TTN: variants seen among roughly 807,000 people sequenced by gnomAD.
TTN encodes the protein titin.
In TTN, 1,525 loss-of-function variants were observed where a neutral mutation model predicts 3,223.0. The ratio of observed to expected loss-of-function variants is 0.47; its 90% CI spans 0.45 to 0.49. The LOEUF (loss-of-function observed/expected upper bound fraction) is 0.49. Among genes scored for constraint, TTN ranks in the 20% least tolerant of loss-of-function variants. The probability of loss-of-function intolerance (pLI) is 0.00; values close to 1 mark genes in which losing one functional copy is unlikely to be tolerated. For missense variants in TTN, 40,786 were observed against 43,424.0 expected (o/e 0.94, Z 5.40); for synonymous variants, 14,094 against 15,161.0 (o/e 0.93, Z 5.17).
chr2:178,750,310 C>T, intron 47 of TTN: 1 of 1,613,178 alleles, frequency 6.2e-7, no homozygotes, highest in Non-Finnish European at 8.5e-7. Context: ...TCACTTTAAG[C>T]ATACTGGTTG....
At position 178,589,402 on chromosome 2, in the gene TTN, ATTT is replaced by A. The variant is rs1423868157; in HGVS notation, c.62320_62322del (p.Lys20774del). On this transcript the variant is annotated inframe_deletion, in exon 304 of 363. Transcript: ENST00000589042. ...GCTTTGACAGTTAGGACCCCACTTA[ATTT>A]CAGATCAAGTACTGGTTTTTGTAAG... 1 of 1,613,414 alleles carries A rather than the reference ATTT, an allele frequency of 6.2e-7. No homozygotes were observed. Among genetic ancestry groups the A allele is most frequent in the South Asian group, 1.1e-5 (1 of 91,072 alleles).
Position 178,592,070 on chromosome 2 carries a change from T to A in TTN, c.59834A>T (p.Asn19945Ile). ...CGCAGCTACTCGGAAGAGGTACTGGTTGCCTTCATTCAGATGCTTAGCGAA... is the reference window on the plus strand; with the variant it reads ...CGCAGCTACTCGGAAGAGGTACTGGATGCCTTCATTCAGATGCTTAGCGAA... ...SHFAKHLNEG[N>I]QYLFRVAAEN... The change falls in exon 302 of 363, where the codon AAC becomes ATC. Residue 19945 changes from asparagine (N) to isoleucine (I), a missense_variant. Asn to Ile is a moderately radical substitution (Grantham distance 149). Coordinates refer to ENST00000589042, the MANE Select transcript of TTN (RefSeq NM_001267550.2). 1 of 1,613,084 alleles carries A rather than the reference T, an allele frequency of 6.2e-7. No homozygotes were observed.
At chr2:178,664,285 T>C (rs1175643307) in intron 168 of TTN, among the ~76,000 whole-genome samples, 175 bp downstream of exon 168, 1 of 152,088 alleles carries the variant, frequency 6.6e-6, no homozygotes, top group African/African-American at 2.4e-5. Flanking sequence ...TTGGTAGCCA[T>C]TTCTTTGGGA....
Position 178,781,188 on chromosome 2 carries a change from T to C in TTN, c.3456A>G (p.Gly1152=). ...VISMTFADDA[G]EYTIVVRNKH... is the part of the protein sequence containing the mutation. Reference sequence around the variant, plus strand: ...TATTGCGAACAACAATAGTGTATTCTCCAGCATCATCAGCAAAAGTCATAG... The same window carrying C: ...TATTGCGAACAACAATAGTGTATTCCCCAGCATCATCAGCAAAAGTCATAG... The change falls in exon 21 of 363, where the codon GGA becomes GGG. Residue 1152 remains glycine (G), a synonymous_variant. Transcript: ENST00000589042. The C allele has an allele frequency of 6.2e-7, 1 of 1,614,090 alleles. No individual in the cohort carries two copies. Among genetic ancestry groups the C allele is most frequent in the Non-Finnish European group, 8.5e-7 (1 of 1,179,984 alleles).
intron 224 of TTN, among the ~76,000 whole-genome samples, chr2:178,637,059 A>G (rs554290511): frequency 1.3e-5 from 2 of 149,354 alleles, no homozygotes; most frequent in East Asian, 2.0e-4. Flanking sequence ...ATTAATGTCT[A>G]ATTATTTTAT....
Position 178,652,922 on chromosome 2 carries a change from G to T in TTN, c.38885C>A (p.Ala12962Asp). ...PEVPPVKVPEAPIEVVPEKKM... is the reference protein window; with the variant it reads ...PEVPPVKVPEDPIEVVPEKKM... ...CTTTTCAGGAACAACCTCTATGGGA[G>T]CCTCTGGCACTTAAAAGATATTAGT... is the stretch of plus-strand genomic sequence containing the variant. The change falls in exon 200 of 363, where the codon GCT becomes GAT. Residue 12962 changes from alanine to aspartate, a missense_variant. Physicochemically the swap from Ala to Asp is moderately radical, Grantham distance 126. Transcript: ENST00000589042. 6.2e-7 allele frequency: 1 copy of T among 1,606,642 alleles called. No homozygotes were observed. Among genetic ancestry groups the T allele is most frequent in the Non-Finnish European group, 8.5e-7 (1 of 1,177,648 alleles).
At chr2:178,615,275 A>C (rs1211410706) in intron 259 of TTN, 32 bp downstream of exon 259, 1 of 1,609,214 alleles carries the variant, frequency 6.2e-7, no homozygotes, top group East Asian at 2.2e-5. Flanking sequence ...CTAGGAGTAC[A>C]CATTTACTCT....
intron 204 of TTN, 44 bp downstream of exon 204, chr2:178,652,052 A>C: frequency 6.2e-7 from 1 of 1,612,158 alleles, no homozygotes; most frequent in Non-Finnish European, 8.5e-7. Context: ...ACACTAAGGA[A>C]AGATTTTTTT....
chr2:178,781,308 C>T, intron 20 of TTN, 45 bp from the exon 21 acceptor site: 1 of 1,607,300 alleles, frequency 6.2e-7, no homozygotes, highest in Admixed American at 1.7e-5. Context: ...ATCAACAACT[C>T]TTCTGTGGGT....
chr2:178,662,833 T>C (rs1322082689), intron 174 of TTN, 21 bp from the exon 175 acceptor site: 1 of 650,046 alleles, frequency 1.5e-6, no homozygotes, highest in East Asian at 2.7e-5. Context: ...ATTAGTATCT[T>C]TTAGTTAGAA....
rs750362675 is a variant in TTN at position 178,557,754 on chromosome 2, C to G, written c.87600G>C (p.Met29200Ile). The change falls in exon 328 of 363, where the codon ATG (methionine) becomes ATC (isoleucine). Residue 29200 changes from methionine (M) to isoleucine (I), a missense_variant. Met to Ile is a conservative substitution (Grantham distance 10, BLOSUM62 1). Transcript: ENST00000589042. ...GGTATTCTTCTCCTGTGGTCAGTTT[C>G]ATGACTTTCATCATGGTTCTTGCAA... ...ATVARTMMKV[M>I]KLTTGEEYQF... is the part of the protein sequence containing the mutation. 4.1e-5 allele frequency: 66 copies of G among 1,613,836 alleles called. No homozygotes were observed. In the Admixed American group the frequency reaches 9.8e-4, roughly 24 times the overall value.
rs2093588202 is a variant in TTN at position 178,792,920 on chromosome 2, A to T, written c.1536+484T>A. Among the ~76,000 whole-genome samples the T allele has an allele frequency of 2.0e-5, 3 of 152,044 alleles. No homozygotes were observed. The South Asian group carries it at 6.2e-4, about 32-fold the overall frequency. ...CGCCAACCATGGGGCTGTCCTTTTC[A>T]CCTTTTCTGGTCATTTGGCTTGTTA... On this transcript the variant is annotated intron_variant, in intron 9 of 362. Coordinates refer to ENST00000589042, the MANE Select transcript of TTN (RefSeq NM_001267550.2).
intron 13 of TTN, among the ~76,000 whole-genome samples, chr2:178,787,808 T>TTTGTAG (rs1639487608): frequency 6.6e-6 from 1 of 152,102 alleles, no homozygotes; most frequent in South Asian, 2.1e-4. Flanking sequence ...ATACACACAC[T>TTTGTAG]TATTGGTGGA....
chr2:178,680,021 C>T lies in TTN; in HGVS notation c.33453G>A (p.Glu11151=). 1 of 1,613,168 alleles carries T rather than the reference C, an allele frequency of 6.2e-7. No individual in the cohort carries two copies. The highest frequency in any genetic ancestry group is 2.2e-5 in the East Asian group (1 of 44,882). Residue 11151 remains glutamate (E), a synonymous_variant, in exon 140 of 363, where the codon GAG becomes GAA. Coordinates refer to ENST00000589042, the MANE Select transcript of TTN (RefSeq NM_001267550.2). ...PEVPKELEPE[E]VAFEEEVVTH... is the part of the protein sequence containing the mutation. ...TTACAACTTCCTCTTCAAAGGCAAC[C>T]TCTTCTGGTTCAAGTTCTTTAGGCA...
At position 178,783,585 on chromosome 2, in the gene TTN, G is replaced by A. The variant is rs79956733; in HGVS notation, c.2841+135C>T. ...AAATATGGTCTTCCAGACCAAATAC[G>A]GTCTTAAAATGAGCATCTGTAAGCT... is the stretch of plus-strand genomic sequence containing the variant. On this transcript the variant is annotated intron_variant, in intron 17 of 362. Transcript: ENST00000589042. 2,514 of 746,364 alleles carry A rather than the reference G, an allele frequency of 3.4e-3. 57 individuals are homozygous for A. In the African/African-American group the frequency reaches 0.04, roughly 12 times the overall value. The allele number at this position is 746,364 out of a possible 1,614,324, so 46.2% of individuals were successfully genotyped here.
In TTN at chr2:178,532,517, G is replaced by A. The variant is rs778877604; in HGVS notation, c.104098C>T (p.Pro34700Ser). 1.1e-5 allele frequency: 18 copies of A among 1,613,794 alleles called. No homozygotes were observed. The highest frequency in any genetic ancestry group is 1.5e-5 in the Non-Finnish European group (18 of 1,179,870). The change falls in exon 358 of 363, where the codon CCT becomes TCT. Residue 34700 changes from proline to serine, a missense_variant. Coordinates refer to ENST00000589042, the MANE Select transcript of TTN (RefSeq NM_001267550.2). ...AGGCTAGAAAGCTCAAAGTGTGGAG[G>A]GCTTCGACTTGGGGGTGAAGCTGAA... ...GFSASPPSRS[P>S]PHFELSSLRY...
At position 178,568,944 on chromosome 2, in the gene TTN, T is replaced by C. The variant is rs745981754; in HGVS notation, c.77188A>G (p.Ile25730Val). The C allele has an allele frequency of 9.3e-6, 15 of 1,613,316 alleles. No homozygotes were observed. The Admixed American group carries it at 1.8e-4, about 20-fold the overall frequency. Residue 25730 changes from isoleucine (I) to valine (V), a missense_variant, in exon 326 of 363, where the codon ATC (isoleucine) becomes GTC (valine). By Grantham distance (29) the Ile-to-Val change is conservative. Transcript: ENST00000589042. ...TGCATTTCCACAATATACTGAATGATTTTACTGCCACCATCATGTTCAGGT... is the reference window on the plus strand; with the variant it reads ...TGCATTTCCACAATATACTGAATGACTTTACTGCCACCATCATGTTCAGGT... Reference protein sequence around the residue: ...TKPEHDGGSKIIQYIVEMQAK... With the variant: ...TKPEHDGGSKVIQYIVEMQAK...
Position 178,590,934 on chromosome 2 carries a change from A to T in TTN, c.60791T>A (p.Val20264Asp). 6.2e-7 allele frequency: 1 copy of T among 1,613,252 alleles called. No individual in the cohort carries two copies. Among genetic ancestry groups the T allele is most frequent in the Non-Finnish European group, 8.5e-7 (1 of 1,179,432 alleles). The stretch of plus-strand genomic sequence containing the variant: ...CGGAGGACTAAATTTATGCTTAGCA[A>T]CAGTAGGTGTGGAGTCAAGGGGAGG... ...VGPPLDSTPT[V>D]AKHKFSPPSP... The change falls in exon 304 of 363, where the codon GTT becomes GAT. Residue 20264 changes from valine to aspartate, a missense_variant. By Grantham distance (152) the Val-to-Asp change is radical. Transcript: ENST00000589042.
rs2051023944 is a variant in TTN, at chr2:178,594,664, G to T, written c.57848-18C>A. The T allele has an allele frequency of 3.9e-6, 6 of 1,553,510 alleles. No individual in the cohort carries two copies. The South Asian group carries it at 7.4e-5, about 19-fold the overall frequency. On this transcript the variant is annotated intron_variant, in intron 295 of 362. Coordinates refer to ENST00000589042, the MANE Select transcript of TTN (RefSeq NM_001267550.2). Reference sequence around the variant, plus strand: ...TGGTACAGCTGCGAATATAAGTATAGGAATTGTGGTAGAAAAAAATGTCAC... The same window carrying T: ...TGGTACAGCTGCGAATATAAGTATATGAATTGTGGTAGAAAAAAATGTCAC...
Sources: allele counts gnomAD v4.1 joint callset (sites outside exome capture counted in the v4.1 genomes callset), GRCh38; gene constraint gnomAD v4.1.1; transcripts MANE v1.5; gene names NCBI Gene and HGNC (gene_info 2026-07-23, HGNC 2026-07-21).